SACM1L: variants seen among roughly 807,000 people sequenced by gnomAD.
SACM1L encodes SAC1 like phosphatidylinositide phosphatase.
Under a neutral mutation model 89.5 loss-of-function variants are expected in SACM1L, and 32 were observed. That is an observed-to-expected ratio of 0.36 (90% CI 0.27 to 0.48). The LOEUF is 0.48. SACM1L is among the 20% of genes least tolerant of loss of function. The probability of loss-of-function intolerance (pLI) is 0.99; values close to 1 mark genes in which losing one functional copy is unlikely to be tolerated. For missense variants in SACM1L, 543 were observed against 708.5 expected (o/e 0.77, Z 2.65); for synonymous variants, 213 against 232.8 (o/e 0.92, Z 0.77).
chr3:45,697,269 C>CTTTTTTTTTTTTTTTTTTT (rs869095037), intron 1 of SACM1L, among the ~76,000 whole-genome samples: 1 of 92,120 alleles, frequency 1.1e-5, no homozygotes, highest in Non-Finnish European at 2.0e-5. Flanking sequence ...TTTTCTTTTC[C>CTTTTTTTTTTTTTTTTTTT]TTTTTTTTTT....
intron 1 of SACM1L, among the ~76,000 whole-genome samples, chr3:45,695,051 G>T (rs540942899): frequency 1.3e-5 from 2 of 152,266 alleles, no homozygotes; most frequent in African/African-American, 4.8e-5. Flanking sequence ...TTGAGCTATA[G>T]GAGAGGCAAC....
chr3:45,719,336 C>A (rs944883083), intron 7 of SACM1L, among the ~76,000 whole-genome samples, 164 bp from the exon 8 acceptor site: 1 of 152,126 alleles, frequency 6.6e-6, no homozygotes, highest in Non-Finnish European at 1.5e-5. Context: ...GACAAAACTT[C>A]ACAGTTGATT....
chr3:45,694,735 C>CT (rs1188972154), intron 1 of SACM1L, among the ~76,000 whole-genome samples: 1 of 152,116 alleles, frequency 6.6e-6, no homozygotes, highest in Admixed American at 6.5e-5. Flanking sequence ...TTTATGCACT[C>CT]TGAAATATTT....
intron 1 of SACM1L, among the ~76,000 whole-genome samples, chr3:45,691,422 T>C (rs1697984642): frequency 6.6e-6 from 1 of 152,206 alleles, no homozygotes; most frequent in African/African-American, 2.4e-5. Context: ...AGTATTCTTT[T>C]TTGGATGCAT....
chr3:45,692,119 C>G (rs1431378624), intron 1 of SACM1L, among the ~76,000 whole-genome samples: 4 of 152,170 alleles, frequency 2.6e-5, no homozygotes, highest in African/African-American at 9.7e-5. Flanking sequence ...TCTCTGTTCT[C>G]TTTACATACT....
chr3:45,697,516 G>C lies in SACM1L; in HGVS notation c.33-5922G>C, dbSNP rs555896376. Among the ~76,000 whole-genome samples the C allele has an allele frequency of 2.6e-5, 4 of 152,126 alleles. No individual in the cohort carries two copies. In the South Asian group the frequency reaches 8.3e-4, roughly 32 times the overall value. ...GGTCTCAAACTCCTGGGCTCAAGCA[G>C]TCCTCCTGCCTCAGCCTCCCAAAGT... On this transcript the variant is annotated intron_variant, in intron 1 of 19. Transcript: ENST00000389061.
intron 8 of SACM1L, 117 bp downstream of exon 8, chr3:45,719,718 AT>A: frequency 1.8e-6 from 1 of 564,324 alleles, no homozygotes; most frequent in Non-Finnish European, 3.1e-6. Context: ...CTTGCTAAGT[AT>A]TTATCTCCTG....
chr3:45,707,034 C>G (rs1017060523), intron 4 of SACM1L, 127 bp downstream of exon 4: 4 of 758,340 alleles, frequency 5.3e-6, no homozygotes, highest in Admixed American at 3.4e-5. Flanking sequence ...AGAGTAAGAT[C>G]ACTCTACCTA....
intron 3 of SACM1L, among the ~76,000 whole-genome samples, chr3:45,705,431 TTG>T (rs1398874783): frequency 6.6e-6 from 1 of 152,114 alleles, no homozygotes; most frequent in Non-Finnish European, 1.5e-5. Context: ...TTGTATTTTG[TTG>T]TGTTTCAGTT....
At chr3:45,706,682 C>T in intron 3 of SACM1L, 98 bp from the exon 4 acceptor site, 2 of 1,010,760 alleles carry the variant, frequency 2.0e-6, no homozygotes, top group Non-Finnish European at 2.9e-6. Context: ...AATATAGTCT[C>T]ATTCTACTAG....
At chr3:45,716,408 T>G (rs2673030) in intron 7 of SACM1L, among the ~76,000 whole-genome samples, 95,714 of 152,048 alleles carry the variant, frequency 0.63, 30,569 homozygotes, top group Non-Finnish European at 0.66. Context: ...TTTTGAAGCT[T>G]CAGTGAGCTA....
At position 45,738,813 on chromosome 3, in the gene SACM1L, A is replaced by G; in HGVS notation, c.1509A>G (p.Ser503=). 6.2e-7 allele frequency: 1 copy of G among 1,611,408 alleles called. No homozygotes were observed. The highest frequency in any genetic ancestry group is 1.7e-5 in the Admixed American group (1 of 59,976). The part of the protein sequence containing the change: ...DSIDLFLGNY[S]VDELESHSPL... ...TAGACTTATTTCTTGGAAACTATTC[A>G]GTGGATGAATTAGAATCTCATAGTC... The change falls in exon 18 of 20, where the codon TCA becomes TCG. Residue 503 remains serine, a synonymous_variant. Transcript: ENST00000389061.
intron 11 of SACM1L, among the ~76,000 whole-genome samples, chr3:45,728,315 A>C (rs1017609475): frequency 6.6e-6 from 1 of 152,036 alleles, no homozygotes; most frequent in East Asian, 1.9e-4. Context: ...TACTTCTGCT[A>C]TTTTGTTACT....
chr3:45,713,281 C>A, intron 6 of SACM1L, 85 bp downstream of exon 6: 1 of 1,037,052 alleles, frequency 9.6e-7, no homozygotes, highest in Non-Finnish European at 1.4e-6. Context: ...TCCTAATCAC[C>A]AAGAATTTCG....
At chr3:45,740,308 T>G (rs1699287626) in intron 19 of SACM1L, among the ~76,000 whole-genome samples, 1 of 152,210 alleles carries the variant, frequency 6.6e-6, no homozygotes. Flanking sequence ...TAGTCTTGTC[T>G]TTGTCCCATA....
chr3:45,723,855 A>T (rs1698845231), intron 11 of SACM1L, among the ~76,000 whole-genome samples: 1 of 151,810 alleles, frequency 6.6e-6, no homozygotes, highest in South Asian at 2.1e-4. Context: ...TTCTTTTTTA[A>T]TGTTTTTAAG....
chr3:45,734,258 C>G (rs1699144750), intron 13 of SACM1L, among the ~76,000 whole-genome samples: 1 of 150,728 alleles, frequency 6.6e-6, no homozygotes, highest in Non-Finnish European at 1.5e-5. Context: ...ACTAAAAATA[C>G]AAAAATTAGC....
chr3:45,693,103 A>G (rs1028554147), intron 1 of SACM1L, among the ~76,000 whole-genome samples: 6 of 152,210 alleles, frequency 3.9e-5, no homozygotes, highest in Non-Finnish European at 5.9e-5. Context: ...TGTACTGAAT[A>G]CTGTAGGCAG....
At chr3:45,691,539 T>C (rs904318376) in intron 1 of SACM1L, among the ~76,000 whole-genome samples, 1 of 152,182 alleles carries the variant, frequency 6.6e-6, no homozygotes. Context: ...AAAGAGATAG[T>C]TCGATTATTT....
Sources: gnomAD v4.1 joint callset for allele counts (sites outside exome capture counted in the v4.1 genomes callset) on GRCh38, gnomAD v4.1.1 for gene constraint, MANE v1.5 for transcripts, NCBI Gene and HGNC (gene_info 2026-07-23, HGNC 2026-07-21) for gene names.